WDR27: variants seen among roughly 807,000 people sequenced by gnomAD.
WDR27 encodes the protein WD repeat domain 27, also known as WD repeat-containing protein 27.
WDR27 carries 100 observed loss-of-function variants against 114.4 expected under a neutral mutation model. The ratio of observed to expected loss-of-function variants is 0.87; its 90% CI spans 0.74 to 1.03. The LOEUF (loss-of-function observed/expected upper bound fraction) is 1.03, where lower values mean the gene tolerates loss of function less well. Among genes scored for constraint, WDR27 ranks in the 50% least tolerant of loss-of-function variants. The pLI is 0.00. For synonymous variants in WDR27, 449 were observed against 423.1 expected (o/e 1.06, Z -0.75); for missense variants, 1,129 against 1,092.9 (o/e 1.03, Z -0.47).
At chr6:169,437,871 A>G in the WDR27 span, among the ~76,000 whole-genome samples, 6 of 152,130 alleles carry the variant, frequency 3.9e-5, no homozygotes, top group Non-Finnish European at 8.8e-5. Context: ...CTCTGGTAAC[A>G]TGAGACTGTA....
At chr6:169,656,079 C>A (rs1329406368) in intron 13 of WDR27, among the ~76,000 whole-genome samples, 1 of 152,042 alleles carries the variant, frequency 6.6e-6, no homozygotes, top group Non-Finnish European at 1.5e-5. Context: ...AGGGCAGCCC[C>A]CTACCCTCAG....
chr6:169,541,972 C>T (rs549531461), intron 25 of WDR27, among the ~76,000 whole-genome samples: 1 of 152,214 alleles, frequency 6.6e-6, no homozygotes, highest in Admixed American at 6.5e-5. Context: ...TGAAGACAAA[C>T]TGTTGTTACA....
intron 25 of WDR27, among the ~76,000 whole-genome samples, chr6:169,464,075 C>A (rs1318941948): frequency 6.6e-6 from 1 of 152,148 alleles, no homozygotes. Context: ...TAAAAACAAT[C>A]TTGAAAAGGA....
At chr6:169,624,132 T>A (rs200041947) in intron 21 of WDR27, among the ~76,000 whole-genome samples, 80 of 114,568 alleles carry the variant, frequency 7.0e-4, no homozygotes, top group Non-Finnish European at 1.2e-3. Flanking sequence ...AGGTGTGTGG[T>A]GTCAGGTGTG....
At chr6:169,571,207 C>A (rs1024838445) in intron 25 of WDR27, among the ~76,000 whole-genome samples, 4 of 151,470 alleles carry the variant, frequency 2.6e-5, no homozygotes, top group Non-Finnish European at 2.9e-5. Flanking sequence ...GTAATACAGC[C>A]TAAATAAAAC....
chr6:169,558,247 C>A (rs1799183412), intron 25 of WDR27: 1 of 152,072 alleles, frequency 6.6e-6, no homozygotes, highest in Non-Finnish European at 1.5e-5. Context: ...TGAATTTAGC[C>A]TCTTCTGATT....
downstream of WDR27, among the ~76,000 whole-genome samples, chr6:169,455,809 C>T (rs1784323610): frequency 6.6e-6 from 1 of 152,256 alleles, no homozygotes; most frequent in South Asian, 2.1e-4. Context: ...CAGCTCTCTT[C>T]CTAGCAGTGG....
At chr6:169,456,766 C>T (rs1028620903), downstream of WDR27, among the ~76,000 whole-genome samples, 1 of 151,746 alleles carries the variant, frequency 6.6e-6, no homozygotes, top group African/African-American at 2.4e-5. This position sits in a 1 kb window ranked among gnomAD's most constrained non-coding sequence, Gnocchi z 4.0. Context: ...CACACAGAAC[C>T]CACGGGCAGA....
intron 23 of WDR27, among the ~76,000 whole-genome samples, chr6:169,596,121 A>C (rs929169377): frequency 2.6e-5 from 4 of 152,084 alleles, no homozygotes; most frequent in Admixed American, 6.5e-5. Flanking sequence ...CAATTTTCCC[A>C]GGTATTCGTT....
rs1354922073 is a variant in WDR27 at position 169,687,766 on chromosome 6, T to C, written c.189+1051A>G. 2.0e-5 allele frequency among the ~76,000 whole-genome samples: 3 copies of C among 152,314 alleles called. No homozygotes were observed. In the East Asian group the frequency reaches 5.8e-4, roughly 29 times the overall value. On this transcript the variant is annotated intron_variant, in intron 2 of 25. Transcript: ENST00000448612. ...CACAGTTGGCTGTGTGGACTCCACA[T>C]ATATGAAAAGGTACCCCTCCAAATA... is the stretch of plus-strand genomic sequence containing the variant.
At chr6:169,493,648 C>T (rs9477985) in intron 25 of WDR27, among the ~76,000 whole-genome samples, 14,182 of 152,098 alleles carry the variant, frequency 0.093, 712 homozygotes, top group African/African-American at 0.12. Context: ...GAAAATATTA[C>T]TTAAAATATC....
In WDR27 at chr6:169,518,839, T is replaced by C. The variant is rs772483150; in HGVS notation, c.2645+53580A>G. The stretch of plus-strand genomic sequence containing the variant: ...TTATATGCTCTGTTTCTTGTTCCAA[T>C]ACAAATTCCAACTTTAAGTCATTTC... On this transcript the variant is annotated intron_variant, in intron 25 of 25. Coordinates refer to ENST00000448612, the MANE Select transcript of WDR27 (RefSeq NM_182552.5). Among the ~76,000 whole-genome samples, 14 of 152,334 alleles carry C rather than the reference T, an allele frequency of 9.2e-5. 1 individual carries two copies. The highest frequency in any genetic ancestry group is 6.2e-4 in the South Asian group (3 of 4,828).
chr6:169,633,117 G>T, intron 20 of WDR27, 49 bp from the exon 21 acceptor site: 2 of 1,537,780 alleles, frequency 1.3e-6, no homozygotes, highest in Non-Finnish European at 1.8e-6. Flanking sequence ...TACCCATGGG[G>T]AAGGGACAGT....
intron 19 of WDR27, among the ~76,000 whole-genome samples, chr6:169,634,750 A>G (rs1478144327): frequency 6.6e-6 from 1 of 152,196 alleles, no homozygotes; most frequent in African/African-American, 2.4e-5. Context: ...TTTTTGACAT[A>G]CAAAAGATCC....
chr6:169,470,968 G>A (rs542748085), intron 25 of WDR27, among the ~76,000 whole-genome samples: 1 of 152,130 alleles, frequency 6.6e-6, no homozygotes, highest in African/African-American at 2.4e-5. Context: ...TTATACCTAT[G>A]CCAGCACCCT....
At chr6:169,679,048 C>A (rs537315602) in intron 2 of WDR27, among the ~76,000 whole-genome samples, 50 of 151,864 alleles carry the variant, frequency 3.3e-4, no homozygotes, top group African/African-American at 1.2e-3. Context: ...TTCTATCGAT[C>A]TCAGATCTTT....
At chr6:169,454,854 G>A (rs569321351), downstream of WDR27, among the ~76,000 whole-genome samples, 3 of 152,346 alleles carry the variant, frequency 2.0e-5, no homozygotes, top group South Asian at 2.1e-4. Flanking sequence ...TGGCTGGGCT[G>A]CCAGGGCTGC....
chr6:169,664,234 A>G lies in WDR27; in HGVS notation c.836T>C (p.Val279Ala). The G allele has an allele frequency of 6.2e-7, 1 of 1,613,668 alleles. No individual in the cohort carries two copies. Residue 279 changes from valine (V) to alanine (A), a missense_variant, in exon 8 of 26, where the codon GTT (valine) becomes GCT (alanine). Val to Ala is a moderately conservative substitution (Grantham distance 64, BLOSUM62 0). Transcript: ENST00000448612. ...AGTCTCTGTCTTCTTCCTTAGGTCA[A>G]CCCGTGCCACACGACGATAATGGTG... The part of the protein sequence containing the change: ...DGHHYRRVAR[V>A]DLRKKTETFS...
At chr6:169,469,834 G>T (rs936664473) in intron 25 of WDR27, among the ~76,000 whole-genome samples, 6 of 152,164 alleles carry the variant, frequency 3.9e-5, no homozygotes, top group Non-Finnish European at 1.5e-5. Flanking sequence ...CCCAGCATCT[G>T]CTGAGATAGC....
Sources: gnomAD v4.1 joint callset for allele counts (sites outside exome capture counted in the v4.1 genomes callset) on GRCh38, gnomAD v4.1.1 for gene constraint, Gnocchi (gnomAD v3.1) non-coding constraint, MANE v1.5 for transcripts, NCBI Gene and HGNC (gene_info 2026-07-23, HGNC 2026-07-21) for gene names.